The following LMX1A variants were observed in gnomAD, a reference collection of about 807,000 sequenced individuals.
LMX1A encodes LIM homeobox transcription factor 1 alpha, also known as LIM homeobox transcription factor 1-alpha.
LMX1A carries 15 observed loss-of-function variants against 49.1 expected under a neutral mutation model. The ratio of observed to expected loss-of-function variants is 0.31; its 90% CI spans 0.20 to 0.47. LMX1A has a LOEUF of 0.47. Among genes scored for constraint, LMX1A ranks in the 20% least tolerant of loss-of-function variants. LMX1A has a pLI of 1.00. For synonymous variants in LMX1A, 167 were observed against 185.7 expected, an observed-to-expected ratio of 0.90 and a Z score of 0.82; for missense variants, 372 against 475.8, an observed-to-expected ratio of 0.78 and a Z score of 2.03.
chr1:165,262,885 A>G (rs942078950), intron 3 of LMX1A, among the ~76,000 whole-genome samples: 8 of 152,130 alleles, frequency 5.3e-5, no homozygotes, highest in South Asian at 2.1e-4. Flanking sequence ...GACCAATCCA[A>G]TCAGGTACTT....
intron 3 of LMX1A, among the ~76,000 whole-genome samples, chr1:165,299,168 T>C (rs985512630): frequency 1.3e-5 from 2 of 152,214 alleles, no homozygotes; most frequent in African/African-American, 4.8e-5. Context: ...CAGTATCTGC[T>C]CTCTGACAAG....
At chr1:165,268,620 G>A (rs979612786) in intron 3 of LMX1A, among the ~76,000 whole-genome samples, 1 of 152,186 alleles carries the variant, frequency 6.6e-6, no homozygotes, top group African/African-American at 2.4e-5. Flanking sequence ...ATAGCAGAAA[G>A]AGCACTGAAA....
chr1:165,309,585 G>T (rs1176600472), intron 3 of LMX1A, among the ~76,000 whole-genome samples: 1 of 152,182 alleles, frequency 6.6e-6, no homozygotes, highest in East Asian at 1.9e-4. Context: ...AATCCTTCCT[G>T]TAGGTTCAGC....
intron 3 of LMX1A, among the ~76,000 whole-genome samples, chr1:165,331,817 T>G (rs904781643): frequency 6.1e-4 from 93 of 152,226 alleles, no homozygotes; most frequent in African/African-American, 2.2e-3. Flanking sequence ...CACAGGAGGC[T>G]GAGGCACAAG....
At position 165,247,054 on chromosome 1, in the gene LMX1A, C is replaced by CTTTTTTTTTCTTTTTTTTTT. The variant is rs1652876638; in HGVS notation, c.496+2353_496+2354insAAAAAAAAAAGAAAAAAAAA. ...GTTACTTAGATCAGATCAGCTTTTT[C>CTTTTTTTTTCTTTTTTTTTT]TTTTTTTTTTTTTTTTTTTTTTTTT... On this transcript the variant is annotated intron_variant, in intron 4 of 8. Transcript: ENST00000342310. Among the ~76,000 whole-genome samples, 45 of 53,230 alleles carry CTTTTTTTTTCTTTTTTTTTT rather than the reference C, an allele frequency of 8.5e-4. 2 individuals are homozygous for CTTTTTTTTTCTTTTTTTTTT. The highest frequency in any genetic ancestry group is 3.2e-3 in the African/African-American group (45 of 13,918). 34.9% of individuals were successfully genotyped at this position (53,230 alleles called of 152,430 possible).
intron 3 of LMX1A, among the ~76,000 whole-genome samples, chr1:165,334,640 C>T (rs1258033094): frequency 9.5e-6 from 1 of 105,618 alleles, no homozygotes; most frequent in Non-Finnish European, 2.3e-5. Context: ...AAATACTGTG[C>T]CGTTTTGCTT....
intron 3 of LMX1A, among the ~76,000 whole-genome samples, chr1:165,346,242 T>C (rs1656241369): frequency 6.6e-6 from 1 of 152,190 alleles, no homozygotes; most frequent in African/African-American, 2.4e-5. Context: ...ATCGATCTAT[T>C]GGTGCAAGGA....
At chr1:165,250,847 A>G (rs1277700997) in intron 3 of LMX1A, among the ~76,000 whole-genome samples, 6 of 152,128 alleles carry the variant, frequency 3.9e-5, no homozygotes, top group Non-Finnish European at 7.4e-5. Context: ...AAAAGACAGT[A>G]AGGAAGCCAG....
chr1:165,208,927 G>C (rs915510400), intron 6 of LMX1A, among the ~76,000 whole-genome samples: 1 of 152,164 alleles, frequency 6.6e-6, no homozygotes, highest in African/African-American at 2.4e-5. Context: ...GATTACAAGC[G>C]TGAGCCACCA....
chr1:165,252,170 T>C (rs1653084049), intron 3 of LMX1A, among the ~76,000 whole-genome samples: 1 of 152,218 alleles, frequency 6.6e-6, no homozygotes. Flanking sequence ...GCCTATGGAA[T>C]ATTTATATAC....
rs1650952879 is a variant in LMX1A at position 165,203,913 on chromosome 1, C to T, written c.1116G>A (p.Leu372=). 6.2e-7 allele frequency: 1 copy of T among 1,614,036 alleles called. No individual in the cohort carries two copies. Among genetic ancestry groups the T allele is most frequent in the Admixed American group, 1.7e-5 (1 of 60,000 alleles). ...QSRVGNPIDH[L]YSMQNSYFTS Reference sequence around the variant, plus strand: ...TGAAGTAAGAATTCTGCATGGAGTACAGATGGTCAATGGGGTTTCCCACTC... The same window carrying T: ...TGAAGTAAGAATTCTGCATGGAGTATAGATGGTCAATGGGGTTTCCCACTC... Residue 372 remains leucine, a synonymous_variant, in exon 9 of 9, where the codon CTG becomes CTA. Coordinates refer to ENST00000342310, the MANE Select transcript of LMX1A (RefSeq NM_177398.4).
intron 3 of LMX1A, among the ~76,000 whole-genome samples, chr1:165,251,929 A>T (rs1227888303): frequency 6.6e-6 from 1 of 152,188 alleles, no homozygotes; most frequent in Non-Finnish European, 1.5e-5. Flanking sequence ...CTCTGCTGCC[A>T]GCTCTACAGA....
At chr1:165,275,282 C>T (rs1458139475) in intron 3 of LMX1A, among the ~76,000 whole-genome samples, 1 of 152,188 alleles carries the variant, frequency 6.6e-6, no homozygotes, top group Non-Finnish European at 1.5e-5. Context: ...CTGGGTCCCT[C>T]GAGTCACTTG....
intron 3 of LMX1A, among the ~76,000 whole-genome samples, chr1:165,326,425 C>T (rs912865250): frequency 7.2e-5 from 11 of 152,228 alleles, no homozygotes; most frequent in African/African-American, 2.7e-4. Context: ...CTCTCTCCTG[C>T]TTTCTTTCCC....
chr1:165,223,842 A>C (rs981151659), intron 4 of LMX1A, among the ~76,000 whole-genome samples: 2 of 151,852 alleles, frequency 1.3e-5, no homozygotes, highest in African/African-American at 4.8e-5. Context: ...TACTACACCC[A>C]TATAAAGATT....
intron 3 of LMX1A, among the ~76,000 whole-genome samples, chr1:165,323,989 C>A (rs1367701885): frequency 6.6e-6 from 1 of 152,192 alleles, no homozygotes; most frequent in Non-Finnish European, 1.5e-5. Flanking sequence ...CATCTCATTT[C>A]TAAAGATAGA....
intron 4 of LMX1A, among the ~76,000 whole-genome samples, chr1:165,216,771 T>C (rs964491676): frequency 1.3e-5 from 2 of 152,348 alleles, no homozygotes; most frequent in East Asian, 3.9e-4. Flanking sequence ...TTTATATTGA[T>C]ACAATCCAGG....
At chr1:165,208,257 T>C (rs188446726) in intron 6 of LMX1A, 125 bp from the exon 7 acceptor site, 1 of 787,184 alleles carries the variant, frequency 1.3e-6, no homozygotes, top group African/African-American at 1.7e-5. Context: ...TGGCTCTTAC[T>C]TAGTAAAGGA....
At chr1:165,356,124 T>A (rs1656606627) in intron 1 of LMX1A, 1 of 152,412 alleles carries the variant, frequency 6.6e-6, no homozygotes, top group South Asian at 2.1e-4. Flanking sequence ...TCCCGCCCGC[T>A]TCTGGACTCC....
Sources: allele counts gnomAD v4.1 joint callset (sites outside exome capture counted in the v4.1 genomes callset), GRCh38; gene constraint gnomAD v4.1.1; transcripts MANE v1.5; gene names NCBI Gene and HGNC (gene_info 2026-07-23, HGNC 2026-07-21).